ITFG1: variants seen among roughly 807,000 people sequenced by gnomAD.
ITFG1 encodes T-cell immunomodulatory protein.
In ITFG1, 34 loss-of-function variants were observed where a neutral mutation model predicts 81.8. The ratio of observed to expected loss-of-function variants is 0.42; its 90% confidence interval spans 0.32 to 0.55. ITFG1 has a LOEUF of 0.55. Among genes scored for constraint, ITFG1 ranks in the 20% least tolerant of loss-of-function variants. The pLI is 0.17. For missense variants in ITFG1, 672 were observed against 755.4 expected (o/e 0.89, Z 1.29); for synonymous variants, 285 against 270.6 (o/e 1.05, Z -0.52).
intron 10 of ITFG1, among the ~76,000 whole-genome samples, chr16:47,295,474 T>C (rs1308571698): frequency 6.6e-6 from 1 of 152,194 alleles, no homozygotes; most frequent in Admixed American, 6.5e-5. Flanking sequence ...GAGATGTTTT[T>C]ATACTGATTT....
chr16:47,357,636 T>G (rs1450531011), intron 8 of ITFG1, among the ~76,000 whole-genome samples: 1 of 140,754 alleles, frequency 7.1e-6, no homozygotes, highest in Non-Finnish European at 1.6e-5. Flanking sequence ...AAAAAAAAAA[T>G]TAAATGCAAT....
chr16:47,344,465 AAAT>A (rs1292214547), intron 8 of ITFG1, among the ~76,000 whole-genome samples: 3 of 152,344 alleles, frequency 2.0e-5, no homozygotes, highest in African/African-American at 7.2e-5. Flanking sequence ...TCTACACTTA[AAAT>A]GGAAGACTTT....
intron 12 of ITFG1, among the ~76,000 whole-genome samples, chr16:47,243,838 C>T (rs1171964781): frequency 6.6e-6 from 1 of 152,164 alleles, no homozygotes; most frequent in African/African-American, 2.4e-5. Flanking sequence ...CGAGACCAGC[C>T]TGGCCAACAT....
At chr16:47,309,864 C>G (rs1967229404) in intron 10 of ITFG1, among the ~76,000 whole-genome samples, 1 of 152,116 alleles carries the variant, frequency 6.6e-6, no homozygotes, top group South Asian at 2.1e-4. Flanking sequence ...TTTACATATT[C>G]TAAGGATGAG....
chr16:47,438,856 A>C (rs1036985285), intron 5 of ITFG1, among the ~76,000 whole-genome samples: 18 of 152,236 alleles, frequency 1.2e-4, no homozygotes, highest in Non-Finnish European at 2.9e-5. Flanking sequence ...ACGAGTTGAG[A>C]GAGGAAGGCT....
chr16:47,281,628 GTTAAA>G (rs1445642786), intron 10 of ITFG1, among the ~76,000 whole-genome samples: 1 of 152,106 alleles, frequency 6.6e-6, no homozygotes, highest in Non-Finnish European at 1.5e-5. Context: ...TCAAGGAATT[GTTAAA>G]TTAAGTCAAA....
intron 6 of ITFG1, among the ~76,000 whole-genome samples, chr16:47,401,882 G>C (rs1044035766): frequency 4.6e-5 from 7 of 151,640 alleles, no homozygotes; most frequent in Non-Finnish European, 8.8e-5. Flanking sequence ...TTTCACTCTG[G>C]CATCAGCTGA....
At chr16:47,408,151 T>G (rs924303139) in intron 6 of ITFG1, among the ~76,000 whole-genome samples, 5 of 152,222 alleles carry the variant, frequency 3.3e-5, no homozygotes, top group Non-Finnish European at 7.3e-5. Flanking sequence ...GCTTTAGTAT[T>G]ATTTGAGTCT....
chr16:47,265,406 AAATT>A (rs1402595817), intron 10 of ITFG1, among the ~76,000 whole-genome samples: 2 of 152,090 alleles, frequency 1.3e-5, no homozygotes, highest in African/African-American at 4.8e-5. Flanking sequence ...CTTATTATTT[AAATT>A]TATTTAAGGA....
intron 6 of ITFG1, among the ~76,000 whole-genome samples, chr16:47,378,720 T>C (rs1449248299): frequency 6.6e-6 from 1 of 151,896 alleles, no homozygotes; most frequent in African/African-American, 2.4e-5. Flanking sequence ...TAAAGGGGCA[T>C]AGAAAAAATA....
At position 47,440,090 on chromosome 16, in the gene ITFG1, G is replaced by C. The variant is rs1039733001; in HGVS notation, c.561-11192C>G. On this transcript the variant is annotated intron_variant, in intron 5 of 17. Coordinates refer to ENST00000320640, the MANE Select transcript of ITFG1 (RefSeq NM_030790.5). ...AACAAAGATCAAAAGAGACAAAGAAGGCCATTACATAATGGTAAAGGGATC... is the reference window on the plus strand; with the variant it reads ...AACAAAGATCAAAAGAGACAAAGAACGCCATTACATAATGGTAAAGGGATC... Among the ~76,000 whole-genome samples, 14 of 152,136 alleles carry C rather than the reference G, an allele frequency of 9.2e-5. No individual in the cohort carries two copies. In the South Asian group the frequency reaches 1.0e-3, roughly 11 times the overall value.
rs529583103 is a variant in ITFG1, at chr16:47,408,517, T to C, written c.655+20287A>G. Among the ~76,000 whole-genome samples the C allele has an allele frequency of 1.6e-3, 240 of 152,222 alleles. 3 individuals carry two copies. The highest frequency in any genetic ancestry group is 5.6e-3 in the African/African-American group (231 of 41,542). ...AGAAATGATCTAATAAAGAAAAAGG[T>C]AAAGAGTCCCTGGGGTTGAGGACTA... On this transcript the variant is annotated intron_variant, in intron 6 of 17. Transcript: ENST00000320640.
At chr16:47,250,603 T>C (rs1008494193) in intron 12 of ITFG1, among the ~76,000 whole-genome samples, 1 of 152,150 alleles carries the variant, frequency 6.6e-6, no homozygotes, top group Non-Finnish European at 1.5e-5. Flanking sequence ...AACATATTGG[T>C]TCCAGGTCAG....
At chr16:47,367,099 G>A (rs984703475) in intron 7 of ITFG1, among the ~76,000 whole-genome samples, 3 of 152,018 alleles carry the variant, frequency 2.0e-5, no homozygotes, top group Admixed American at 2.0e-4. Flanking sequence ...GGAGTGGCTC[G>A]CAGAACTCTG....
intron 6 of ITFG1, among the ~76,000 whole-genome samples, chr16:47,386,815 T>C (rs1438806629): frequency 6.6e-6 from 1 of 152,194 alleles, no homozygotes; most frequent in Non-Finnish European, 1.5e-5. Context: ...AGCTGTCCCC[T>C]AATATTTAAA....
intron 5 of ITFG1, among the ~76,000 whole-genome samples, chr16:47,433,074 A>T (rs1329494634): frequency 1.3e-5 from 2 of 152,188 alleles, no homozygotes; most frequent in African/African-American, 4.8e-5. Flanking sequence ...TTCCCTACAA[A>T]TTTTTTAGTA....
At position 47,156,378 on chromosome 16, in the gene ITFG1, C is replaced by T. The variant is rs147862112; in HGVS notation, c.1780-600G>A. On this transcript the variant is annotated intron_variant, in intron 17 of 17. Transcript: ENST00000320640. ...CGCTTGAACCCAGGAGCGGAAGTTG[C>T]GGTGAGTCAAGATTGCACCACTGCA... Among the ~76,000 whole-genome samples the T allele has an allele frequency of 1.8e-4, 28 of 152,246 alleles. No homozygotes were observed. In the East Asian group the frequency reaches 4.8e-3, roughly 26 times the overall value.
At chr16:47,417,276 T>C (rs117165567) in intron 6 of ITFG1, among the ~76,000 whole-genome samples, 2,104 of 152,342 alleles carry the variant, frequency 0.014, 20 homozygotes, top group Non-Finnish European at 0.023. Context: ...TCATCAAAGA[T>C]AATTGCTATA....
At chr16:47,256,608 G>A (rs1966142321) in intron 12 of ITFG1, among the ~76,000 whole-genome samples, 1 of 152,064 alleles carries the variant, frequency 6.6e-6, no homozygotes, top group Admixed American at 6.6e-5. Flanking sequence ...TCTTGAAAAT[G>A]GCAAAAGAGA....
Sources: gnomAD v4.1 joint callset for allele counts (sites outside exome capture counted in the v4.1 genomes callset) on GRCh38, gnomAD v4.1.1 for gene constraint, MANE v1.5 for transcripts, NCBI Gene and HGNC (gene_info 2026-07-23, HGNC 2026-07-21) for gene names.